The following PFKP variants were observed in gnomAD, a reference collection of about 807,000 sequenced individuals.
The protein encoded by PFKP is phosphofructokinase, platelet, also known as ATP-dependent 6-phosphofructokinase, platelet type.
PFKP carries 101 observed loss-of-function variants against 94.3 expected under a neutral mutation model. The observed-to-expected ratio is 1.07, with a 90% CI of 0.91 to 1.26. The LOEUF (loss-of-function observed/expected upper bound fraction) is 1.26. Ranked by LOEUF, PFKP falls within the 50% of genes most tolerant of loss-of-function variation. The probability of loss-of-function intolerance (pLI) is 0.00; values close to 1 mark genes in which losing one functional copy is unlikely to be tolerated. For missense variants in PFKP, 1,145 were observed against 1,103.3 expected (o/e 1.04, Z -0.53); for synonymous variants, 573 against 432.6 (o/e 1.32, Z -4.03).
chr10:3,119,773 TGATG>T, intron 15 of PFKP, 115 bp from the exon 16 acceptor site: 2 of 638,354 alleles, frequency 3.1e-6, no homozygotes, highest in Non-Finnish European at 5.0e-6. Context: ...AGTGTTTTCG[TGATG>T]CCCCAGTGTG....
chr10:3,077,342 A>G (rs1180419454), intron 1 of PFKP, among the ~76,000 whole-genome samples: 1 of 133,104 alleles, frequency 7.5e-6, no homozygotes, highest in Non-Finnish European at 1.5e-5. Context: ...GCTCACTGCA[A>G]CCTCCACCTC....
intron 10 of PFKP, among the ~76,000 whole-genome samples, chr10:3,111,606 C>T (rs991631690): frequency 2.0e-5 from 3 of 152,064 alleles, no homozygotes; most frequent in African/African-American, 7.2e-5. Context: ...CTTGAATAAC[C>T]TTAGAGATAG....
At position 3,080,086 on chromosome 10, in the gene PFKP, C is replaced by A. The variant is rs530467206; in HGVS notation, c.113-2302C>A. Reference sequence around the variant, plus strand: ...GCAAGAGCACTGGTGGGACTGCTACCAAGGTTCAGGAACAGGAGCCTCCGA... The same window carrying A: ...GCAAGAGCACTGGTGGGACTGCTACAAAGGTTCAGGAACAGGAGCCTCCGA... On this transcript the variant is annotated intron_variant, in intron 1 of 21. Coordinates refer to ENST00000381125, the MANE Select transcript of PFKP (RefSeq NM_002627.5). Among the ~76,000 whole-genome samples, 4 of 144,634 alleles carry A rather than the reference C, an allele frequency of 2.8e-5. No individual in the cohort carries two copies. The East Asian group carries it at 8.8e-4, about 32-fold the overall frequency. 94.9% of individuals were successfully genotyped at this position (144,634 alleles called of 152,430 possible).
chr10:3,097,453 CAATAAT>C (rs143079142), intron 2 of PFKP, among the ~76,000 whole-genome samples: 5 of 151,922 alleles, frequency 3.3e-5, no homozygotes, highest in South Asian at 2.1e-4. Flanking sequence ...CAAGGGGAGA[CAATAAT>C]AATAATAATA....
rs1196098621 is a variant in PFKP at position 3,105,126 on chromosome 10, C to T, written c.632C>T (p.Thr211Ile). The T allele has an allele frequency of 1.9e-6, 3 of 1,613,904 alleles. No homozygotes were observed. The highest frequency in any genetic ancestry group is 2.5e-6 in the Non-Finnish European group (3 of 1,179,932). ...IMTTAQSHQR[T>I]FVLEVMGRHC... ...TGTTTCTCTTCCAGCCACCAGAGGA[C>T]CTTCGTTCTGGAGGTGATGGGACGA... Residue 211 changes from threonine (T) to isoleucine (I), a missense_variant, in exon 6 of 22, where the codon ACC (threonine) becomes ATC (isoleucine). By Grantham distance (89) the Thr-to-Ile change is moderately conservative (BLOSUM62 -1). This residue lies in a region of PFKP where 1,119 missense variants were observed against 1,062.8 expected (regional missense o/e 1.05). Coordinates refer to ENST00000381125, the MANE Select transcript of PFKP (RefSeq NM_002627.5).
intron 2 of PFKP, among the ~76,000 whole-genome samples, chr10:3,089,656 T>C (rs966129896): frequency 6.7e-6 from 1 of 149,780 alleles, no homozygotes; most frequent in African/African-American, 2.4e-5. Flanking sequence ...ATATTATGTA[T>C]ATATTATTAT....
intron 2 of PFKP, among the ~76,000 whole-genome samples, chr10:3,096,281 C>T (rs1269999438): frequency 6.6e-6 from 1 of 152,174 alleles, no homozygotes; most frequent in South Asian, 2.1e-4. Context: ...ATGGTTGACT[C>T]CTGGGCCTGA....
In PFKP at chr10:3,129,651, C is replaced by T. The variant is rs1588565151; in HGVS notation, c.1684-168C>T. 4.2e-6 allele frequency: 3 copies of T among 720,274 alleles called. No individual in the cohort carries two copies. In the East Asian group the frequency reaches 8.1e-5, roughly 20 times the overall value. 44.6% of individuals were successfully genotyped at this position (720,274 alleles called of 1,614,324 possible). A position where few individuals can be genotyped will look rare whatever the true frequency, so the allele number is the denominator to read the frequency against. Reference sequence around the variant, plus strand: ...GCGGGGGACCACGTTCACACCCACTCCGAGGGCACATCCTGGCTGCTGCAC... The same window carrying T: ...GCGGGGGACCACGTTCACACCCACTTCGAGGGCACATCCTGGCTGCTGCAC... On this transcript the variant is annotated intron_variant, in intron 16 of 21. Transcript: ENST00000381125.
intron 1 of PFKP, among the ~76,000 whole-genome samples, chr10:3,076,973 A>G (rs1832645529): frequency 6.6e-6 from 1 of 152,212 alleles, no homozygotes; most frequent in African/African-American, 2.4e-5. Context: ...ATCAAAGGAA[A>G]GACCCCTAGA....
Position 3,107,272 on chromosome 10 carries a change from C to G in PFKP, c.833C>G (p.Thr278Ser), listed in dbSNP as rs558520595. 15 of 1,611,636 alleles carry G rather than the reference C, an allele frequency of 9.3e-6. No individual in the cohort carries two copies. The highest frequency in any genetic ancestry group is 1.3e-5 in the Non-Finnish European group (15 of 1,178,294). The change falls in exon 8 of 22, where the codon ACC becomes AGC. Residue 278 changes from threonine to serine, a missense_variant. Around this residue, in one of 3 missense-constraint regions of PFKP, gnomAD observed 1,119 missense variants for 1,062.8 expected, o/e 1.05. Transcript: ENST00000381125. ...IIIVAEGAID[T>S]QNKPITSEKI... ...ATTGTGGCTGAAGGAGCAATTGATACCCAAAATAAACCCATCACCTCTGAG... is the reference window on the plus strand; with the variant it reads ...ATTGTGGCTGAAGGAGCAATTGATAGCCAAAATAAACCCATCACCTCTGAG...
chr10:3,134,619 T>C (rs774627256), intron 20 of PFKP, 37 bp downstream of exon 20: 20 of 1,329,896 alleles, frequency 1.5e-5, no homozygotes, highest in Non-Finnish European at 2.2e-5. Flanking sequence ...AGCCTCGTGA[T>C]GCAGGCCGTC....
chr10:3,079,645 GTC>G (rs1832874917), intron 1 of PFKP, among the ~76,000 whole-genome samples: 1 of 130,896 alleles, frequency 7.6e-6, no homozygotes, highest in Admixed American at 7.8e-5. Flanking sequence ...TGGGAACGAG[GTC>G]TTCAGAGAGC....
Position 3,134,551 on chromosome 10 carries a change from C to A in PFKP, c.2091C>A (p.Ile697=). 1 of 1,613,906 alleles carries A rather than the reference C, an allele frequency of 6.2e-7. No homozygotes were observed. Among genetic ancestry groups the A allele is most frequent in the Non-Finnish European group, 8.5e-7 (1 of 1,179,812 alleles). Residue 697 remains isoleucine (I), a synonymous_variant, in exon 20 of 22, where the codon ATC becomes ATA. Transcript: ENST00000381125. ...TKISARAMEW[I]TAKLKEARGR... ...TCTCTGCCAGAGCTATGGAGTGGAT[C>A]ACTGCAAAACTCAAGGAGGCCCGGG...
chr10:3,087,988 T>TTTC (rs199592168), intron 2 of PFKP, among the ~76,000 whole-genome samples: 3,277 of 119,038 alleles, frequency 0.028, 72 homozygotes, highest in African/African-American at 0.057. Flanking sequence ...TTCATTCTTT[T>TTTC]TTTTTTTTTT....
intron 2 of PFKP, among the ~76,000 whole-genome samples, chr10:3,094,322 A>G (rs1443999905): frequency 6.6e-6 from 1 of 152,256 alleles, no homozygotes; most frequent in East Asian, 1.9e-4. Context: ...GGCTAAATAC[A>G]TCATGCTGTT....
chr10:3,082,505 C>T, intron 2 of PFKP, 44 bp downstream of exon 2: 2 of 1,445,906 alleles, frequency 1.4e-6, no homozygotes, highest in Non-Finnish European at 1.9e-6. Context: ...CTTCCACCTG[C>T]CCAGAGCCCT....
chr10:3,135,193 A>C (rs1588589112), intron 20 of PFKP, among the ~76,000 whole-genome samples: 9 of 145,440 alleles, frequency 6.2e-5, no homozygotes, highest in South Asian at 4.5e-4. Flanking sequence ...TCTCACCCCC[A>C]CCCCCCTCAG....
Position 3,101,572 on chromosome 10 carries a change from C to A in PFKP, c.454+18C>A. Reference sequence around the variant, plus strand: ...CAGGAACGGTGAGTGGACACCTGCTCCTCTGTCCTGCGGGTTTTCGCCCTG... The same window carrying A: ...CAGGAACGGTGAGTGGACACCTGCTACTCTGTCCTGCGGGTTTTCGCCCTG... On this transcript the variant is annotated intron_variant, in intron 4 of 21. Coordinates refer to ENST00000381125, the MANE Select transcript of PFKP (RefSeq NM_002627.5). 1.3e-6 allele frequency: 2 copies of A among 1,495,804 alleles called. No individual in the cohort carries two copies. The highest frequency in any genetic ancestry group is 1.4e-5 in the South Asian group (1 of 73,324). 92.7% of individuals were successfully genotyped at this position (1,495,804 alleles called of 1,614,324 possible). A position where few individuals can be genotyped will look rare whatever the true frequency, so the allele number is the denominator to read the frequency against.
At chr10:3,104,776 C>T (rs1169358558) in intron 5 of PFKP, 4 of 384,928 alleles carry the variant, frequency 1.0e-5, no homozygotes, top group African/African-American at 4.2e-5. Flanking sequence ...GCCGACTGTG[C>T]CCAATAGAGA....
Sources: allele counts gnomAD v4.1 joint callset (sites outside exome capture counted in the v4.1 genomes callset), GRCh38; gene constraint gnomAD v4.1.1; regional missense constraint gnomAD v4.1.1; transcripts MANE v1.5; gene names NCBI Gene and HGNC (gene_info 2026-07-23, HGNC 2026-07-21).